The following CHRM3 variants were observed in gnomAD, a reference collection of about 807,000 sequenced individuals.
The protein encoded by CHRM3 is cholinergic receptor muscarinic 3.
A neutral mutation model predicts 41.8 loss-of-function variants in CHRM3; 11 were observed. The observed-to-expected ratio is 0.26, with a 90% CI of 0.17 to 0.44. CHRM3 has a LOEUF of 0.44. CHRM3 is among the 20% of genes least tolerant of loss of function. CHRM3 has a pLI of 1.00. For missense variants in CHRM3, 571 were observed against 745.4 expected (o/e 0.77, Z 2.72); for synonymous variants, 297 against 301.4 (o/e 0.99, Z 0.15).
At chr1:239,773,452 AAGAGAAC>A (rs1303821238) in intron 5 of CHRM3, among the ~76,000 whole-genome samples, 1 of 152,202 alleles carries the variant, frequency 6.6e-6, no homozygotes. Context: ...CCCTGGCATT[AAGAGAAC>A]AGCCTCTTTC....
chr1:239,438,079 T>C (rs1663414517), intron 1 of CHRM3, among the ~76,000 whole-genome samples: 1 of 152,210 alleles, frequency 6.6e-6, no homozygotes, highest in Admixed American at 6.5e-5. Context: ...ACTTCTTCAC[T>C]GTTATTTCTC....
At chr1:239,526,704 A>T (rs1373595607) in intron 2 of CHRM3, among the ~76,000 whole-genome samples, 1 of 152,206 alleles carries the variant, frequency 6.6e-6, no homozygotes, top group Non-Finnish European at 1.5e-5. Flanking sequence ...CATTTATCAG[A>T]CATTTTCTTT....
intron 1 of CHRM3, among the ~76,000 whole-genome samples, chr1:239,425,235 T>C (rs549502863): frequency 1.3e-5 from 2 of 152,208 alleles, no homozygotes; most frequent in Non-Finnish European, 2.9e-5. Flanking sequence ...ACCCAATACC[T>C]ATGCTCATTG....
chr1:239,895,836 G>A (rs2102975629), intron 6 of CHRM3, among the ~76,000 whole-genome samples: 1 of 152,214 alleles, frequency 6.6e-6, no homozygotes, highest in South Asian at 2.1e-4. Context: ...AGGGTGGGTG[G>A]AGGGAAAGGA....
intron 2 of CHRM3, among the ~76,000 whole-genome samples, chr1:239,494,321 A>G (rs1375213006): frequency 6.6e-6 from 1 of 152,044 alleles, no homozygotes; most frequent in Non-Finnish European, 1.5e-5. Flanking sequence ...TCTTCACTTC[A>G]TTGCCTAGGG....
intron 2 of CHRM3, among the ~76,000 whole-genome samples, chr1:239,520,826 G>A (rs1669592328): frequency 1.3e-5 from 2 of 152,134 alleles, no homozygotes; most frequent in Non-Finnish European, 2.9e-5. Flanking sequence ...ATTTGCTGAG[G>A]CATTTGTTGA....
chr1:239,577,960 G>T (rs1056115164), intron 3 of CHRM3, among the ~76,000 whole-genome samples: 1 of 152,156 alleles, frequency 6.6e-6, no homozygotes, highest in South Asian at 2.1e-4. Context: ...TTAATGGGAA[G>T]ACATTAATAT....
intron 1 of CHRM3, among the ~76,000 whole-genome samples, chr1:239,416,150 TAAGATTTTCC>T (rs1475451821): frequency 6.6e-6 from 1 of 152,194 alleles, no homozygotes; most frequent in Non-Finnish European, 1.5e-5. Context: ...CCATGCTTCA[TAAGATTTTCC>T]AGTGGTCATA....
chr1:239,837,584 A>G (rs542855928), intron 6 of CHRM3, among the ~76,000 whole-genome samples: 11 of 152,348 alleles, frequency 7.2e-5, no homozygotes, highest in African/African-American at 2.6e-4. Flanking sequence ...ACTCTACAGA[A>G]CTTAAGGTGA....
intron 3 of CHRM3, among the ~76,000 whole-genome samples, chr1:239,580,321 C>T (rs1318500002): frequency 6.9e-6 from 1 of 145,342 alleles, no homozygotes; most frequent in Admixed American, 6.9e-5. Context: ...AAAAATTGAC[C>T]ATATTCAACT....
chr1:239,682,330 A>G (rs1192474938), intron 5 of CHRM3, among the ~76,000 whole-genome samples: 2 of 152,188 alleles, frequency 1.3e-5, no homozygotes, highest in Non-Finnish European at 2.9e-5. Flanking sequence ...GATATCCCTT[A>G]TATGTTAGAG....
chr1:239,464,147 A>T (rs972189596), intron 1 of CHRM3, among the ~76,000 whole-genome samples: 1 of 151,732 alleles, frequency 6.6e-6, no homozygotes, highest in African/African-American at 2.4e-5. Flanking sequence ...AGGTGTGGTG[A>T]TGCACAACTG....
chr1:239,514,456 C>T (rs1669130063), intron 2 of CHRM3, among the ~76,000 whole-genome samples: 1 of 151,840 alleles, frequency 6.6e-6, no homozygotes, highest in South Asian at 2.1e-4. Flanking sequence ...AGGTAAGCAA[C>T]TGACTTTTAT....
At position 239,571,407 on chromosome 1, in the gene CHRM3, A is replaced by G. The variant is rs528117318; in HGVS notation, c.-313+25658A>G. ...ACACGCTGACTGTCCAGCACTTCAAATGAATTCAAATCCACACTGAGGTGC... is the reference window on the plus strand; with the variant it reads ...ACACGCTGACTGTCCAGCACTTCAAGTGAATTCAAATCCACACTGAGGTGC... On this transcript the variant is annotated intron_variant, in intron 3 of 6. Transcript: ENST00000676153. Among the ~76,000 whole-genome samples the G allele has an allele frequency of 2.6e-5, 4 of 152,314 alleles. No homozygotes were observed. In the South Asian group the frequency reaches 8.3e-4, roughly 32 times the overall value.
In CHRM3 at chr1:239,615,728, A is replaced by C. The variant is rs143749422; in HGVS notation, c.-312-16496A>C. Among the ~76,000 whole-genome samples, 19 of 151,780 alleles carry C rather than the reference A, an allele frequency of 1.3e-4. No individual in the cohort carries two copies. In the East Asian group the frequency reaches 3.7e-3, roughly 29 times the overall value. On this transcript the variant is annotated intron_variant, in intron 3 of 6. Coordinates refer to ENST00000676153, the MANE Select transcript of CHRM3 (RefSeq NM_001375978.1). Reference sequence around the variant, plus strand: ...TTGATGTCACCCCAATATCTCCATTATCATAGTGCCTCATCCTGGATGTAA... The same window carrying C: ...TTGATGTCACCCCAATATCTCCATTCTCATAGTGCCTCATCCTGGATGTAA...
At chr1:239,611,041 C>T (rs1407588667) in intron 3 of CHRM3, among the ~76,000 whole-genome samples, 1 of 152,024 alleles carries the variant, frequency 6.6e-6, no homozygotes, top group Non-Finnish European at 1.5e-5. Flanking sequence ...CAGAGCAAGA[C>T]TCAGTCTCAA....
intron 1 of CHRM3, among the ~76,000 whole-genome samples, chr1:239,389,532 A>T (rs1031278181): frequency 1.3e-5 from 2 of 152,222 alleles, no homozygotes; most frequent in African/African-American, 4.8e-5. Flanking sequence ...TAAAAATGTG[A>T]AGTTCTTTTA....
chr1:239,678,705 G>T (rs954707429), intron 5 of CHRM3, among the ~76,000 whole-genome samples: 3 of 151,984 alleles, frequency 2.0e-5, no homozygotes, highest in African/African-American at 7.3e-5. Context: ...ATTAGTCCAG[G>T]CTTAGAGAAA....
At chr1:239,886,565 G>A (rs1190870543) in intron 6 of CHRM3, 1 of 152,106 alleles carries the variant, frequency 6.6e-6, no homozygotes, top group African/African-American at 2.4e-5. Flanking sequence ...CTGGTCAGAG[G>A]TTTTCCTTAA....
Sources: allele counts gnomAD v4.1 joint callset (sites outside exome capture counted in the v4.1 genomes callset), GRCh38; gene constraint gnomAD v4.1.1; transcripts MANE v1.5; gene names NCBI Gene and HGNC (gene_info 2026-07-23, HGNC 2026-07-21).